Variants in PRL observed in about 807,000 individuals in gnomAD.
PRL encodes the protein decidual prolactin.
In PRL, 24 loss-of-function variants were observed where a neutral mutation model predicts 21.3. The ratio of observed to expected loss-of-function variants is 1.13; its 90% CI spans 0.82 to 1.59. The LOEUF (loss-of-function observed/expected upper bound fraction) is 1.59. PRL is among the 40% of genes most tolerant of loss of function. The pLI, the probability that PRL is intolerant of heterozygous loss-of-function variation, is 0.00. For synonymous variants in PRL, 118 were observed against 115.7 expected, an observed-to-expected ratio of 1.02 and a Z score of -0.13; for missense variants, 243 against 286.9, an observed-to-expected ratio of 0.85 and a Z score of 1.10.
intron 3 of PRL, 46 bp downstream of exon 3, chr6:22,292,492 A>G (rs1761070181): frequency 1.3e-6 from 2 of 1,547,782 alleles, no homozygotes; most frequent in African/African-American, 2.7e-5. Flanking sequence ...TAATACCCAT[A>G]TACTGCCTTG....
upstream of PRL, among the ~76,000 whole-genome samples, chr6:22,300,141 G>A (rs1761256630): frequency 6.6e-6 from 1 of 152,160 alleles, no homozygotes; most frequent in Non-Finnish European, 1.5e-5. Context: ...GGGCACATTG[G>A]AGAAGAGATC....
At chr6:22,287,666 T>C in intron 4 of PRL, 73 bp from the exon 5 acceptor site, 1 of 1,299,142 alleles carries the variant, frequency 7.7e-7, no homozygotes, top group Non-Finnish European at 1.0e-6. Flanking sequence ...TTTCTAACTG[T>C]TGAATTAAGA....
At chr6:22,292,278 C>T (rs1259270243) in intron 3 of PRL, among the ~76,000 whole-genome samples, 2 of 152,156 alleles carry the variant, frequency 1.3e-5, no homozygotes, top group Non-Finnish European at 2.9e-5. Context: ...ACAATCCTAG[C>T]GACAAGGCAT....
At chr6:22,294,361 T>A in intron 2 of PRL, 48 bp downstream of exon 2, 1 of 1,606,540 alleles carries the variant, frequency 6.2e-7, no homozygotes, top group Non-Finnish European at 8.5e-7. Flanking sequence ...AGCCCAGTAG[T>A]TCATGTGAAG....
intron 3 of PRL, 29 bp from the exon 4 acceptor site, chr6:22,290,382 A>C: frequency 6.7e-7 from 1 of 1,483,072 alleles, no homozygotes; most frequent in South Asian, 1.4e-5. Context: ...CAATTGCATT[A>C]AAATAGGTAA....
At position 22,292,458 on chromosome 6, in the gene PRL, C is replaced by T. The variant is rs145856109; in HGVS notation, c.312+80G>A. On this transcript the variant is annotated intron_variant, in intron 3 of 4. Coordinates refer to ENST00000306482, the MANE Select transcript of PRL (RefSeq NM_000948.6). Reference sequence around the variant, plus strand: ...TCTCTGCATGTACAATTACCACTAGCTATTACAGCACCTATCACCATGATA... The same window carrying T: ...TCTCTGCATGTACAATTACCACTAGTTATTACAGCACCTATCACCATGATA... 3.9e-6 allele frequency: 5 copies of T among 1,286,792 alleles called. No homozygotes were observed. In the East Asian group the frequency reaches 9.4e-5, roughly 24 times the overall value. 79.7% of individuals were successfully genotyped at this position (1,286,792 alleles called of 1,614,324 possible).
chr6:22,287,385 A>G lies in PRL; in HGVS notation c.*17T>C, dbSNP rs1414749997. On this transcript the variant is annotated 3_prime_UTR_variant, in exon 5 of 5. Transcript: ENST00000306482. ...TCATTAAGGACCTTCTCAGAAATAG[A>G]TGAAATGGATGTGGGCTTAGCAGTT... is the stretch of plus-strand genomic sequence containing the variant. The G allele has an allele frequency of 1.9e-6, 3 of 1,598,322 alleles. No individual in the cohort carries two copies. The highest frequency in any genetic ancestry group is 2.6e-6 in the Non-Finnish European group (3 of 1,168,028).
Position 22,288,909 on chromosome 6 carries a change from CGT to C in PRL, c.492+1263_492+1264del, listed in dbSNP as rs968845295. Among the ~76,000 whole-genome samples the C allele has an allele frequency of 2.3e-4, 33 of 146,628 alleles. No individual in the cohort carries two copies. Among genetic ancestry groups the C allele is most frequent in the African/African-American group, 4.8e-4 (19 of 39,200 alleles). ...GCGTGTGTGTGCGTGTGTGCGCGCGCGTGTGTGTGCGTGCGCGTGTGTGTGCA... is the reference window on the plus strand; with the variant it reads ...GCGTGTGTGTGCGTGTGTGCGCGCGCGTGTGTGCGTGCGCGTGTGTGTGCA... On this transcript the variant is annotated intron_variant, in intron 4 of 4. Transcript: ENST00000306482. The surrounding 1 kb of genome is among the most constrained non-coding windows in gnomAD (Gnocchi z 4.5).
intron 2 of PRL, among the ~76,000 whole-genome samples, chr6:22,293,306 A>G (rs1761092665): frequency 6.6e-6 from 1 of 152,218 alleles, no homozygotes; most frequent in Non-Finnish European, 1.5e-5. Context: ...CATTGACAGG[A>G]AAGACTAGTC....
intron 1 of PRL, 26 bp from the exon 2 acceptor site, chr6:22,294,610 T>G: frequency 6.6e-7 from 1 of 1,521,168 alleles, no homozygotes; most frequent in Non-Finnish European, 8.8e-7. Flanking sequence ...CGCGAGCCAC[T>G]CTGAGATGAT....
chr6:22,300,648 T>G (rs188193081), upstream of PRL, among the ~76,000 whole-genome samples: 2 of 152,344 alleles, frequency 1.3e-5, no homozygotes, highest in Non-Finnish European at 2.9e-5. Flanking sequence ...ATGCTTTTGT[T>G]TTTTTGGAAG....
intron 3 of PRL, 34 bp downstream of exon 3, chr6:22,292,504 T>C: frequency 6.3e-7 from 1 of 1,582,970 alleles, no homozygotes; most frequent in Non-Finnish European, 8.7e-7. Flanking sequence ...ACTGCCTTGG[T>C]TGTTTTGGTG....
chr6:22,293,665 AGGAAGGAG>A (rs1561755498), intron 2 of PRL, among the ~76,000 whole-genome samples: 16 of 131,272 alleles, frequency 1.2e-4, no homozygotes, highest in East Asian at 2.5e-4. Context: ...GAAGGAAGGA[AGGAAGGAG>A]GGAAGGAAGG....
chr6:22,298,516 G>A (rs1184284809), upstream of PRL, among the ~76,000 whole-genome samples: 1 of 152,132 alleles, frequency 6.6e-6, no homozygotes. Context: ...ATCTGACTAA[G>A]TGCTCTTATG....
rs940788418 is a variant in PRL, at chr6:22,294,406, T to TA, written c.204+2dup. On this transcript the variant is annotated splice_region_variant and intron_variant, in intron 2 of 4. Coordinates refer to ENST00000306482, the MANE Select transcript of PRL (RefSeq NM_000948.6). ...GGGAGGAAGCCAGAAGCATGGTACT[T>TA]ACGAATTCGCTGAACATTTCTGAGG... 6.8e-6 allele frequency: 11 copies of TA among 1,613,934 alleles called. No individual in the cohort carries two copies. The highest frequency in any genetic ancestry group is 4.0e-5 in the African/African-American group (3 of 74,910).
At chr6:22,292,385 A>C (rs1348137122) in intron 3 of PRL, among the ~76,000 whole-genome samples, 153 bp downstream of exon 3, 1 of 152,202 alleles carries the variant, frequency 6.6e-6, no homozygotes, top group Non-Finnish European at 1.5e-5. Context: ...CTCATATTTC[A>C]TCAACTACAT....
chr6:22,293,929 GT>G (rs1311110316), intron 2 of PRL, among the ~76,000 whole-genome samples: 3 of 152,166 alleles, frequency 2.0e-5, no homozygotes, highest in African/African-American at 7.2e-5. Flanking sequence ...GCATTTTGGG[GT>G]TTTTGAAAAG....
intron 2 of PRL, among the ~76,000 whole-genome samples, chr6:22,293,853 A>G (rs1435632657): frequency 6.6e-6 from 1 of 152,246 alleles, no homozygotes; most frequent in Non-Finnish European, 1.5e-5. Flanking sequence ...CTGGTTTCCA[A>G]TTCTAAACTA....
chr6:22,296,155 A>G (rs1761168600), intron 1 of PRL, among the ~76,000 whole-genome samples: 1 of 152,244 alleles, frequency 6.6e-6, no homozygotes, highest in Non-Finnish European at 1.5e-5. Context: ...GATGTTCTGT[A>G]ACTCTGAGTA....
Sources: gnomAD v4.1 joint callset for allele counts (sites outside exome capture counted in the v4.1 genomes callset) on GRCh38, gnomAD v4.1.1 for gene constraint, Gnocchi (gnomAD v3.1) non-coding constraint, MANE v1.5 for transcripts, NCBI Gene and HGNC (gene_info 2026-07-23, HGNC 2026-07-21) for gene names.